Variants in FER1L6 observed in about 807,000 individuals in gnomAD.
FER1L6 encodes fer-1 like family member 6.
In FER1L6, 177 loss-of-function variants were observed where a neutral mutation model predicts 219.2. The ratio of observed to expected loss-of-function variants is 0.81; its 90% confidence interval spans 0.71 to 0.91. The LOEUF is 0.91. Ranked by LOEUF, FER1L6 falls within the 40% of genes least tolerant of loss-of-function variation. FER1L6 has a pLI of 0.00. For missense variants in FER1L6, 2,153 were observed against 2,259.9 expected (o/e 0.95, Z 0.96); for synonymous variants, 768 against 824.3 (o/e 0.93, Z 1.17).
At position 123,977,430 on chromosome 8, in the gene FER1L6, T is replaced by C; in HGVS notation, c.884T>C (p.Val295Ala). Residue 295 changes from valine (V) to alanine (A), a missense_variant, in exon 10 of 41, where the codon GTG (valine) becomes GCG (alanine). Coordinates refer to ENST00000522917, the MANE Select transcript of FER1L6 (RefSeq NM_001039112.2). Reference sequence around the variant, plus strand: ...CTGTGTTTTTAGGGGCGAACCACAGTGCAGAAGAACTGTGCTGATCCTGTG... The same window carrying C: ...CTGTGTTTTTAGGGGCGAACCACAGCGCAGAAGAACTGTGCTGATCCTGTG... ...SFAGQMGRTT[V>A]QKNCADPVWH... is the part of the protein sequence containing the mutation. 1 of 1,613,818 alleles carries C rather than the reference T, an allele frequency of 6.2e-7. No individual in the cohort carries two copies. The highest frequency in any genetic ancestry group is 8.5e-7 in the Non-Finnish European group (1 of 1,179,900).
intron 33 of FER1L6, among the ~76,000 whole-genome samples, chr8:124,089,306 G>A (rs931998576): frequency 7.9e-5 from 12 of 152,122 alleles, no homozygotes; most frequent in Non-Finnish European, 1.2e-4. Flanking sequence ...GTTCCAATCC[G>A]AAGTCCCACA....
At chr8:124,000,970 GAGAGACCTGGC>G (rs1817383669) in intron 12 of FER1L6, among the ~76,000 whole-genome samples, 1 of 152,326 alleles carries the variant, frequency 6.6e-6, no homozygotes, top group Non-Finnish European at 1.5e-5. Flanking sequence ...TGGGGACTGA[GAGAGACCTGGC>G]AGCTGGCTTC....
intron 3 of FER1L6, among the ~76,000 whole-genome samples, chr8:123,963,876 TA>T (rs1252114721): frequency 6.6e-6 from 1 of 152,262 alleles, no homozygotes; most frequent in East Asian, 1.9e-4. Context: ...TGGCTTAATA[TA>T]ATAAGCATTT....
At chr8:123,873,694 T>A (rs1234136122) in intron 1 of FER1L6, among the ~76,000 whole-genome samples, 1 of 152,136 alleles carries the variant, frequency 6.6e-6, no homozygotes, top group Non-Finnish European at 1.5e-5. Flanking sequence ...GGATTACCAT[T>A]ACCCTCTCCA....
intron 1 of FER1L6, among the ~76,000 whole-genome samples, chr8:123,945,596 T>G (rs550497801): frequency 6.6e-6 from 1 of 152,244 alleles, no homozygotes; most frequent in African/African-American, 2.4e-5. Flanking sequence ...TAAAGTCATG[T>G]CTGAGGTATG....
In FER1L6 at chr8:124,023,482, C is replaced by G; in HGVS notation, c.2172C>G (p.Leu724=). 6.2e-7 allele frequency: 1 copy of G among 1,614,190 alleles called. No homozygotes were observed. The highest frequency in any genetic ancestry group is 8.5e-7 in the Non-Finnish European group (1 of 1,180,026). The change falls in exon 18 of 41, where the codon CTC becomes CTG. Residue 724 remains leucine, a synonymous_variant. Coordinates refer to ENST00000522917, the MANE Select transcript of FER1L6 (RefSeq NM_001039112.2). ...HTIPDVFIWM[L]SNNRRVAYAR... is the part of the protein sequence containing the mutation. Reference sequence around the variant, plus strand: ...TCCCTGACGTTTTCATCTGGATGCTCAGCAACAACAGGAGAGTGGCCTATG... The same window carrying G: ...TCCCTGACGTTTTCATCTGGATGCTGAGCAACAACAGGAGAGTGGCCTATG...
At chr8:123,942,283 T>C (rs894099162) in intron 1 of FER1L6, among the ~76,000 whole-genome samples, 2 of 152,130 alleles carry the variant, frequency 1.3e-5, no homozygotes, top group Non-Finnish European at 2.9e-5. Context: ...CCCACAGGGG[T>C]GGCCTCTCAG....
intron 15 of FER1L6, among the ~76,000 whole-genome samples, chr8:124,015,580 T>TAC (rs1255636059): frequency 1.5e-5 from 1 of 67,228 alleles, no homozygotes; most frequent in African/African-American, 8.8e-5. Context: ...GCTATATATA[T>TAC]ATATATATAT....
intron 1 of FER1L6, among the ~76,000 whole-genome samples, chr8:123,882,961 G>C (rs1817135901): frequency 6.6e-6 from 1 of 152,200 alleles, no homozygotes; most frequent in South Asian, 2.1e-4. Context: ...TGATGATGGG[G>C]AAGGGTATAC....
intron 1 of FER1L6, among the ~76,000 whole-genome samples, chr8:123,869,365 C>T (rs1816888423): frequency 6.6e-6 from 1 of 152,134 alleles, no homozygotes; most frequent in African/African-American, 2.4e-5. Context: ...TCTGTATATC[C>T]AAATGCTGGC....
intron 10 of FER1L6, among the ~76,000 whole-genome samples, chr8:123,979,691 C>T (rs984710653): frequency 4.6e-5 from 7 of 152,206 alleles, no homozygotes; most frequent in African/African-American, 1.7e-4. Flanking sequence ...TGTCAGTCTC[C>T]ACTACCTTCA....
At chr8:123,908,417 T>A (rs1168649744) in intron 1 of FER1L6, among the ~76,000 whole-genome samples, 1 of 152,228 alleles carries the variant, frequency 6.6e-6, no homozygotes, top group Non-Finnish European at 1.5e-5. Flanking sequence ...ATAATTTATT[T>A]AAGAGCTTGC....
At chr8:124,096,508 A>G (rs1045489567) in intron 35 of FER1L6, among the ~76,000 whole-genome samples, 3 of 152,184 alleles carry the variant, frequency 2.0e-5, no homozygotes, top group African/African-American at 7.2e-5. Context: ...AGCTGACAGC[A>G]TTCTTAGAAT....
chr8:124,069,551 C>A, intron 29 of FER1L6, 76 bp downstream of exon 29: 1 of 977,396 alleles, frequency 1.0e-6, no homozygotes, highest in South Asian at 1.6e-5. Flanking sequence ...GTGCTTTGGT[C>A]AACCCTAGTC....
chr8:124,014,156 T>G (rs144856497), intron 15 of FER1L6: 1 of 152,572 alleles, frequency 6.6e-6, no homozygotes, highest in African/African-American at 2.4e-5. Context: ...AATTACCCAG[T>G]GCAGTACAGA....
chr8:123,924,650 G>T (rs557085011), intron 1 of FER1L6: 45 of 152,234 alleles, frequency 3.0e-4, no homozygotes, highest in African/African-American at 9.9e-4. Context: ...TGAAGCCCTG[G>T]CACTCAGAGG....
chr8:123,958,485 G>GCT (rs1005710810), intron 2 of FER1L6, among the ~76,000 whole-genome samples: 94 of 152,028 alleles, frequency 6.2e-4, no homozygotes, highest in Admixed American at 1.9e-3. Context: ...TCCAGTAACT[G>GCT]CTCTCTCTCT....
chr8:123,860,878 T>A (rs1284400713), intron 1 of FER1L6, among the ~76,000 whole-genome samples: 1 of 87,138 alleles, frequency 1.1e-5, no homozygotes, highest in African/African-American at 5.2e-5. Context: ...ATTCTGGATA[T>A]TAGCCCTTTG....
chr8:123,987,491 T>C (rs924650468), intron 12 of FER1L6, among the ~76,000 whole-genome samples: 32 of 152,218 alleles, frequency 2.1e-4, no homozygotes, highest in African/African-American at 7.2e-4. Context: ...ACTTTATGAA[T>C]TGTTTCCTTT....
Sources: gnomAD v4.1 joint callset for allele counts (sites outside exome capture counted in the v4.1 genomes callset) on GRCh38, gnomAD v4.1.1 for gene constraint, MANE v1.5 for transcripts, NCBI Gene and HGNC (gene_info 2026-07-23, HGNC 2026-07-21) for gene names.